The following ENTREP1 variants were observed in gnomAD, a reference collection of about 807,000 sequenced individuals.
ENTREP1 encodes the protein Friedreich ataxia region gene X123.
chr9:69,371,703 G>T, the ENTREP1 span: 1 of 833,732 alleles, frequency 1.2e-6, no homozygotes. Flanking sequence ...TCAGGCAACT[G>T]TCCTGAAGTG....
At chr9:69,336,327 G>T in the ENTREP1 span, 2 of 1,055,718 alleles carry the variant, frequency 1.9e-6, no homozygotes. Flanking sequence ...TATGAAGTCT[G>T]TTCATATAAA....
chr9:69,358,645 G>A, the ENTREP1 span, among the ~76,000 whole-genome samples: 1 of 152,052 alleles, frequency 6.6e-6, no homozygotes, highest in Non-Finnish European at 1.5e-5. Flanking sequence ...TTCTAGGGTG[G>A]GATTAGCACC....
chr9:69,377,662 G>A, the ENTREP1 span: 6 of 1,614,006 alleles, frequency 3.7e-6, no homozygotes, highest in Middle Eastern at 1.6e-4. Context: ...ACGCATCCCC[G>A]ACCCTGATGA....
At chr9:69,355,941 T>A in the ENTREP1 span, among the ~76,000 whole-genome samples, 1 of 152,242 alleles carries the variant, frequency 6.6e-6, no homozygotes, top group East Asian at 1.9e-4. Context: ...TTTTTTGTTG[T>A]GGTAAAACAT....
the ENTREP1 span, among the ~76,000 whole-genome samples, chr9:69,385,503 GA>G: frequency 1.3e-4 from 7 of 52,564 alleles, no homozygotes; most frequent in Admixed American, 7.0e-4. Context: ...GCACCTTTAG[GA>G]AAAAAAAACC....
chr9:69,382,966 A>G, the ENTREP1 span: 2 of 962,084 alleles, frequency 2.1e-6, no homozygotes, highest in Non-Finnish European at 2.5e-6. Context: ...ACTTAGGTTC[A>G]TCATTATCTA....
the ENTREP1 span, among the ~76,000 whole-genome samples, chr9:69,331,094 T>C: frequency 1.3e-5 from 2 of 152,218 alleles, no homozygotes; most frequent in African/African-American, 2.4e-5. Context: ...TACACACACA[T>C]ACACACACAT....
the ENTREP1 span, chr9:69,324,690 C>T: frequency 7.1e-6 from 7 of 984,336 alleles, no homozygotes; most frequent in Non-Finnish European, 8.4e-6. Context: ...TTCCCGAAGT[C>T]CTTGGCTTAC....
At chr9:69,388,037 A>C in the ENTREP1 span, 1 of 1,584,280 alleles carries the variant, frequency 6.3e-7, no homozygotes, top group Non-Finnish European at 8.6e-7. Flanking sequence ...CAGGATGTGC[A>C]TGGCTATCAG....
the ENTREP1 span, chr9:69,325,364 G>A: frequency 1.7e-6 from 2 of 1,174,032 alleles, no homozygotes; most frequent in Non-Finnish European, 2.1e-6. Flanking sequence ...TGGGCTTTCG[G>A]GTGGGCCGCA....
At chr9:69,360,253 C>T in the ENTREP1 span, among the ~76,000 whole-genome samples, 1 of 152,120 alleles carries the variant, frequency 6.6e-6, no homozygotes. Context: ...ATTTTCAGTT[C>T]CTTGTCCCAT....
the ENTREP1 span, chr9:69,375,678 A>T: frequency 7.2e-7 from 1 of 1,379,938 alleles, no homozygotes; most frequent in Middle Eastern, 2.0e-4. Context: ...TCCATGGTAG[A>T]GCCAGGGTAT....
At chr9:69,378,414 A>G in the ENTREP1 span, among the ~76,000 whole-genome samples, 1 of 152,228 alleles carries the variant, frequency 6.6e-6, no homozygotes, top group African/African-American at 2.4e-5. Flanking sequence ...GTACAGTGAA[A>G]TGCCGCATAC....
At chr9:69,346,887 T>A in the ENTREP1 span, among the ~76,000 whole-genome samples, 5 of 152,300 alleles carry the variant, frequency 3.3e-5, no homozygotes, top group African/African-American at 1.2e-4. Flanking sequence ...TTGGAGAAAG[T>A]TACTGAATTG....
the ENTREP1 span, among the ~76,000 whole-genome samples, chr9:69,343,248 T>C: frequency 6.6e-6 from 1 of 152,236 alleles, no homozygotes; most frequent in African/African-American, 2.4e-5. Flanking sequence ...AAACAGAGTG[T>C]GTGAACAATG....
chr9:69,340,632 TGTGC>T, the ENTREP1 span, among the ~76,000 whole-genome samples: 17 of 100,710 alleles, frequency 1.7e-4, no homozygotes, highest in Admixed American at 1.2e-3. Flanking sequence ...TGCATGTGTG[TGTGC>T]GTGCATGTGT....
the ENTREP1 span, among the ~76,000 whole-genome samples, chr9:69,328,492 G>A: frequency 6.6e-6 from 1 of 152,070 alleles, no homozygotes; most frequent in South Asian, 2.1e-4. Flanking sequence ...TCAACACATG[G>A]CCACTTTATA....
At chr9:69,391,879 GTCCACCTC>G in the ENTREP1 span, 2 of 1,404,624 alleles carry the variant, frequency 1.4e-6, no homozygotes, top group Admixed American at 2.2e-5. Flanking sequence ...GGGAGCTGTG[GTCCACCTC>G]AAAAAAAAGG....
At chr9:69,344,278 G>A in the ENTREP1 span, among the ~76,000 whole-genome samples, 17 of 152,226 alleles carry the variant, frequency 1.1e-4, no homozygotes, top group South Asian at 3.5e-3. Flanking sequence ...TGCGTGTGTG[G>A]TGTGTATGTT....
Sources: allele counts gnomAD v4.1 joint callset (sites outside exome capture counted in the v4.1 genomes callset), GRCh38; gene constraint gnomAD v4.1.1; transcripts MANE v1.5; gene names NCBI Gene and HGNC (gene_info 2026-07-23, HGNC 2026-07-21).